GCH1: variants seen among roughly 807,000 people sequenced by gnomAD.
The protein encoded by GCH1 is GTP cyclohydrolase I.
GCH1 carries 5 observed loss-of-function variants against 25.9 expected under a neutral mutation model. The observed-to-expected ratio is 0.19, with a 90% confidence interval of 0.10 to 0.41. The LOEUF is 0.41. Among genes scored for constraint, GCH1 ranks in the 10% least tolerant of loss-of-function variants. The pLI is 1.00. For synonymous variants in GCH1, 159 were observed against 129.6 expected (o/e 1.23, Z -1.54); for missense variants, 261 against 336.5 (o/e 0.78, Z 1.75).
At chr14:54,854,891 T>C (rs1313626706) in intron 3 of GCH1, among the ~76,000 whole-genome samples, 1 of 152,242 alleles carries the variant, frequency 6.6e-6, no homozygotes, top group African/African-American at 2.4e-5. Context: ...ATGTATCTAT[T>C]TATTAGAGTA....
chr14:54,891,554 C>T (rs2040423709), intron 1 of GCH1, among the ~76,000 whole-genome samples: 1 of 151,986 alleles, frequency 6.6e-6, no homozygotes, highest in Non-Finnish European at 1.5e-5. Context: ...GGATTACAGG[C>T]ACATGCCACT....
intron 3 of GCH1, among the ~76,000 whole-genome samples, chr14:54,849,090 C>T (rs550253510): frequency 1.3e-5 from 2 of 152,336 alleles, no homozygotes; most frequent in Admixed American, 1.3e-4. Flanking sequence ...AATAGGAATG[C>T]CTCTAGGATT....
intron 1 of GCH1, among the ~76,000 whole-genome samples, chr14:54,874,009 C>T (rs1313777240): frequency 2.0e-5 from 3 of 152,278 alleles, no homozygotes; most frequent in South Asian, 2.1e-4. Context: ...CCAGCATCAT[C>T]CTGATACCAA....
At chr14:54,851,712 G>C (rs1248403123) in intron 3 of GCH1, among the ~76,000 whole-genome samples, 3 of 152,142 alleles carry the variant, frequency 2.0e-5, no homozygotes, top group African/African-American at 7.2e-5. Flanking sequence ...TCATTAAAAA[G>C]TCAGGAAACA....
chr14:54,896,876 G>A (rs1385923915), intron 1 of GCH1, among the ~76,000 whole-genome samples: 5 of 142,288 alleles, frequency 3.5e-5, no homozygotes, highest in South Asian at 2.2e-4. Flanking sequence ...CCCAGATCGC[G>A]CCACTGCACT....
intron 3 of GCH1, among the ~76,000 whole-genome samples, chr14:54,858,877 G>C (rs1172847823): frequency 1.3e-5 from 2 of 152,184 alleles, no homozygotes; most frequent in Non-Finnish European, 2.9e-5. Flanking sequence ...TTGACTTCCA[G>C]TTAAACACAG....
intron 2 of GCH1, among the ~76,000 whole-genome samples, chr14:54,862,828 A>C (rs750229117): frequency 6.6e-6 from 1 of 152,032 alleles, no homozygotes; most frequent in South Asian, 2.1e-4. Context: ...GTTTATAGGA[A>C]ATCCAGAGGC....
chr14:54,853,069 T>TTC (rs2039758858), intron 3 of GCH1, among the ~76,000 whole-genome samples: 1 of 152,160 alleles, frequency 6.6e-6, no homozygotes, highest in Non-Finnish European at 1.5e-5. Flanking sequence ...GTTCAAGCAA[T>TTC]TCTCCTGCCT....
intron 1 of GCH1, among the ~76,000 whole-genome samples, chr14:54,866,827 G>T (rs147447862): frequency 1.3e-5 from 2 of 152,148 alleles, no homozygotes; most frequent in African/African-American, 4.8e-5. Flanking sequence ...GTGTGGTCAA[G>T]AAAGGCGAAC....
intron 1 of GCH1, among the ~76,000 whole-genome samples, chr14:54,874,360 T>G (rs1275376941): frequency 6.6e-6 from 1 of 152,192 alleles, no homozygotes; most frequent in Non-Finnish European, 1.5e-5. Flanking sequence ...ATAAGAGCTA[T>G]CTATGACAAA....
intron 1 of GCH1, among the ~76,000 whole-genome samples, chr14:54,894,402 C>G (rs1023522784): frequency 1.4e-4 from 22 of 152,168 alleles, no homozygotes; most frequent in Non-Finnish European, 7.3e-5. Flanking sequence ...CAGCCTCCCC[C>G]ACTACAGGTT....
At chr14:54,885,362 TG>T in intron 1 of GCH1, 1 of 262,856 alleles carries the variant, frequency 3.8e-6, no homozygotes, top group Non-Finnish European at 7.8e-6. Context: ...GGGGCTGTGA[TG>T]GGGTCCAGGG....
intron 3 of GCH1, among the ~76,000 whole-genome samples, chr14:54,851,114 A>G (rs1266605703): frequency 6.6e-6 from 1 of 152,238 alleles, no homozygotes; most frequent in Non-Finnish European, 1.5e-5. Context: ...GACAAACATG[A>G]CAAAAACAAG....
At chr14:54,885,890 AAAAAC>A (rs2040345128) in intron 1 of GCH1, 2 of 184,634 alleles carry the variant, frequency 1.1e-5, no homozygotes, top group African/African-American at 4.8e-5. Flanking sequence ...CTCCATCTCA[AAAAAC>A]AAACAACAAC....
intron 1 of GCH1, among the ~76,000 whole-genome samples, chr14:54,891,624 G>A (rs1465412891): frequency 1.3e-5 from 2 of 152,024 alleles, no homozygotes; most frequent in Non-Finnish European, 2.9e-5. Context: ...TGGTCAGGCT[G>A]GTCTCTAACT....
intron 3 of GCH1, among the ~76,000 whole-genome samples, chr14:54,853,566 G>A (rs778541687): frequency 2.0e-5 from 3 of 152,150 alleles, no homozygotes; most frequent in Non-Finnish European, 4.4e-5. Flanking sequence ...GCCAAGAGGG[G>A]CATTATTAAT....
chr14:54,866,095 G>A (rs1475301863), intron 1 of GCH1, among the ~76,000 whole-genome samples: 1 of 150,840 alleles, frequency 6.6e-6, no homozygotes, highest in Non-Finnish European at 1.5e-5. Context: ...GGCACTTCCA[G>A]CCAGACATAC....
At chr14:54,868,428 T>C (rs974938799) in intron 1 of GCH1, among the ~76,000 whole-genome samples, 5 of 151,220 alleles carry the variant, frequency 3.3e-5, no homozygotes, top group Non-Finnish European at 5.9e-5. Context: ...ATTTTTTAAG[T>C]GTTTAAAAAT....
At chr14:54,870,605 A>C (rs888916121) in intron 1 of GCH1, among the ~76,000 whole-genome samples, 10 of 152,194 alleles carry the variant, frequency 6.6e-5, no homozygotes. Flanking sequence ...CTAGTCAAAG[A>C]AAGCGGTGAC....
Sources: gnomAD v4.1 joint callset for allele counts (sites outside exome capture counted in the v4.1 genomes callset) on GRCh38, gnomAD v4.1.1 for gene constraint, MANE v1.5 for transcripts, NCBI Gene and HGNC (gene_info 2026-07-23, HGNC 2026-07-21) for gene names.